Variants in RAB3IL1 observed in about 807,000 individuals in gnomAD.
RAB3IL1 encodes the protein guanine nucleotide exchange factor for Rab-3A.
Under a neutral mutation model 49.2 loss-of-function variants are expected in RAB3IL1, and 37 were observed. The ratio of observed to expected loss-of-function variants is 0.75; its 90% CI spans 0.58 to 0.99. The LOEUF is 0.99. Ranked by LOEUF, RAB3IL1 falls within the 50% of genes least tolerant of loss-of-function variation. The pLI is 0.00. For synonymous variants in RAB3IL1, 193 were observed against 213.9 expected (o/e 0.90, Z 0.85); for missense variants, 484 against 513.0 (o/e 0.94, Z 0.55).
rs548673149 is a variant in RAB3IL1 at position 61,897,388 on chromosome 11, G to A, written c.*890C>T. On this transcript the variant is annotated 3_prime_UTR_variant, in exon 10 of 10. Transcript: ENST00000394836. The stretch of plus-strand genomic sequence containing the variant: ...CCGGACGTGGTGAGGGATGCGTCCA[G>A]GTGGGAGCTCCGAACGCTGGTCCTG... The A allele has an allele frequency of 1.3e-5, 2 of 152,810 alleles. No homozygotes were observed. Among genetic ancestry groups the A allele is most frequent in the East Asian group, 1.9e-4 (1 of 5,298 alleles). 9.5% of individuals were successfully genotyped at this position (152,810 alleles called of 1,614,324 possible). A position where few individuals can be genotyped will look rare whatever the true frequency, so the allele number is the denominator to read the frequency against.
In RAB3IL1 at chr11:61,898,068, A is replaced by C; in HGVS notation, c.*210T>G. 5.4e-6 allele frequency: 3 copies of C among 553,688 alleles called. No homozygotes were observed. The highest frequency in any genetic ancestry group is 3.2e-6 in the Non-Finnish European group (1 of 309,516). The allele number at this position is 553,688 out of a possible 1,614,324, so 34.3% of individuals were successfully genotyped here. A position where few individuals can be genotyped will look rare whatever the true frequency, so the allele number is the denominator to read the frequency against. ...TGGTGGTGGCAGAACCCAGTGGGGA[A>C]GAGAGGGGGGTCTTGCCGTGAAGTC... On this transcript the variant is annotated 3_prime_UTR_variant, in exon 10 of 10. Coordinates refer to ENST00000394836, the MANE Select transcript of RAB3IL1 (RefSeq NM_013401.4). This position sits in a 1 kb window ranked among gnomAD's most constrained non-coding sequence, Gnocchi z 5.1.
upstream of RAB3IL1, among the ~76,000 whole-genome samples, chr11:61,924,437 G>T (rs140148665): frequency 1.8e-4 from 28 of 152,068 alleles, no homozygotes; most frequent in African/African-American, 6.0e-4. Context: ...TAACCTACTC[G>T]AGGACAAGGC....
At chr11:61,924,537 A>G (rs1939964760), upstream of RAB3IL1, among the ~76,000 whole-genome samples, 1 of 152,104 alleles carries the variant, frequency 6.6e-6, no homozygotes, top group South Asian at 2.1e-4. Context: ...CAGGCCCCTC[A>G]GCGCCCCCAC....
At chr11:61,904,456 C>T in intron 7 of RAB3IL1, 90 bp downstream of exon 7, 1 of 1,269,596 alleles carries the variant, frequency 7.9e-7, no homozygotes, top group Non-Finnish European at 1.1e-6. Flanking sequence ...GTCGGCGCTG[C>T]TGCATCCTGA....
intron 1 of RAB3IL1, among the ~76,000 whole-genome samples, chr11:61,911,852 C>A (rs1939466168): frequency 1.3e-5 from 2 of 152,198 alleles, no homozygotes; most frequent in South Asian, 4.1e-4. Context: ...AGGAAACACA[C>A]AACCAAAAGA....
At chr11:61,945,563 C>T in the RAB3IL1 span, among the ~76,000 whole-genome samples, 1 of 152,210 alleles carries the variant, frequency 6.6e-6, no homozygotes, top group African/African-American at 2.4e-5. Context: ...ACCATTCTTT[C>T]ACAGCACGTC....
chr11:61,945,532 G>A, the RAB3IL1 span, among the ~76,000 whole-genome samples: 4 of 152,308 alleles, frequency 2.6e-5, no homozygotes, highest in South Asian at 8.3e-4. Context: ...TCTGCAAAAT[G>A]AGCAGCTGGA....
chr11:61,899,176 TA>T, intron 9 of RAB3IL1, 137 bp downstream of exon 9: 1 of 996,604 alleles, frequency 1.0e-6, no homozygotes, highest in Non-Finnish European at 1.5e-6. Flanking sequence ...AACGCTTTAC[TA>T]AACCACAACC....
chr11:61,935,778 G>A, the RAB3IL1 span, among the ~76,000 whole-genome samples: 1 of 152,034 alleles, frequency 6.6e-6, no homozygotes, highest in African/African-American at 2.4e-5. Context: ...GCCTCCCAAA[G>A]TGCTGCGATT....
the RAB3IL1 span, among the ~76,000 whole-genome samples, chr11:61,925,785 GA>G: frequency 2.9e-4 from 44 of 151,146 alleles, no homozygotes; most frequent in African/African-American, 9.5e-4. Context: ...TGGGGGACAG[GA>G]AAAAAAAAGT....
the RAB3IL1 span, among the ~76,000 whole-genome samples, chr11:61,936,287 A>G: frequency 3.9e-5 from 6 of 152,256 alleles, no homozygotes; most frequent in Admixed American, 6.5e-5. Context: ...GGAAGATTCA[A>G]TCTTCACATT....
intron 1 of RAB3IL1, among the ~76,000 whole-genome samples, chr11:61,912,672 G>C (rs1180437821): frequency 6.6e-6 from 1 of 152,218 alleles, no homozygotes; most frequent in African/African-American, 2.4e-5. Context: ...TGAATGCAGA[G>C]TACAGGCATA....
At chr11:61,924,658 T>C (rs882169), upstream of RAB3IL1, among the ~76,000 whole-genome samples, 75,230 of 152,086 alleles carry the variant, frequency 0.49, 19,617 homozygotes, top group Middle Eastern at 0.62. Context: ...ATTATCTTTG[T>C]TCCACTTGAC....
At chr11:61,920,323 A>AG (rs1457657039), upstream of RAB3IL1, 1 of 1,154,736 alleles carries the variant, frequency 8.7e-7, no homozygotes, top group African/African-American at 1.6e-5. Flanking sequence ...CCTGGGAGGG[A>AG]GGCACCACCT....
chr11:61,898,318 A>T lies in RAB3IL1; in HGVS notation c.1109T>A (p.Met370Lys). 1 of 1,613,546 alleles carries T rather than the reference A, an allele frequency of 6.2e-7. No homozygotes were observed. The highest frequency in any genetic ancestry group is 8.5e-7 in the Non-Finnish European group (1 of 1,179,970). The part of the protein sequence containing the change: ...FWEIMRLRKE[M>K]SLAKLGFFPQ... ...GAAGAAGCCGAGCTTGGCCAGTGAC[A>T]TCTCCTTCCGCAACCTCATGATCTC... Residue 370 changes from methionine to lysine, a missense_variant, in exon 10 of 10, where the codon ATG (methionine) becomes AAG (lysine). Transcript: ENST00000394836. This position sits in a 1 kb window ranked among gnomAD's most constrained non-coding sequence, Gnocchi z 5.1.
At chr11:61,907,277 T>C in intron 4 of RAB3IL1, 116 bp downstream of exon 4, 1 of 1,098,908 alleles carries the variant, frequency 9.1e-7, no homozygotes, top group Non-Finnish European at 1.3e-6. Context: ...CACCCATTCC[T>C]GCTGGCCCCA....
At chr11:61,941,913 T>C in the RAB3IL1 span, among the ~76,000 whole-genome samples, 1 of 151,930 alleles carries the variant, frequency 6.6e-6, no homozygotes, top group African/African-American at 2.4e-5. Flanking sequence ...GTTGAACATA[T>C]GAAAATCAGT....
At chr11:61,926,551 G>A in the RAB3IL1 span, among the ~76,000 whole-genome samples, 1 of 152,058 alleles carries the variant, frequency 6.6e-6, no homozygotes, top group Non-Finnish European at 1.5e-5. Flanking sequence ...ATGAGTTGCT[G>A]CAGGATCTGA....
At chr11:61,941,470 A>T in the RAB3IL1 span, among the ~76,000 whole-genome samples, 1 of 152,152 alleles carries the variant, frequency 6.6e-6, no homozygotes, top group Non-Finnish European at 1.5e-5. Flanking sequence ...TATAAAGACC[A>T]GGCTGGGCGT....
Sources: allele counts gnomAD v4.1 joint callset (sites outside exome capture counted in the v4.1 genomes callset), GRCh38; gene constraint gnomAD v4.1.1; non-coding constraint Gnocchi (gnomAD v3.1); transcripts MANE v1.5; gene names NCBI Gene and HGNC (gene_info 2026-07-23, HGNC 2026-07-21).